CYTIP: variants seen among roughly 807,000 people sequenced by gnomAD.
CYTIP encodes cytohesin-interacting protein.
Under a neutral mutation model 43.8 loss-of-function variants are expected in CYTIP, and 26 were observed. The ratio of observed to expected loss-of-function variants is 0.59; its 90% confidence interval spans 0.44 to 0.82. The LOEUF is 0.82. Ranked by LOEUF, CYTIP falls within the 40% of genes least tolerant of loss-of-function variation. The pLI is 0.00. For synonymous variants in CYTIP, 162 were observed against 162.9 expected (o/e 0.99, Z 0.04); for missense variants, 426 against 443.1 (o/e 0.96, Z 0.35).
At chr2:157,437,485 G>A (rs527535356) in intron 1 of CYTIP, among the ~76,000 whole-genome samples, 37 of 152,148 alleles carry the variant, frequency 2.4e-4, no homozygotes, top group African/African-American at 7.5e-4. Context: ...TGGATCAACT[G>A]AGCTCAGGAG....
chr2:157,423,650 A>G (rs1685558252), intron 6 of CYTIP, among the ~76,000 whole-genome samples: 1 of 152,014 alleles, frequency 6.6e-6, no homozygotes. Flanking sequence ...AGTAAACTTG[A>G]TACCAAAACT....
intron 6 of CYTIP, among the ~76,000 whole-genome samples, chr2:157,424,508 CTCAAATT>C (rs1685572638): frequency 6.6e-6 from 1 of 151,626 alleles, no homozygotes; most frequent in Non-Finnish European, 1.5e-5. Context: ...ATGTTGTTTC[CTCAAATT>C]GATATATATA....
chr2:157,442,364 T>C (rs1685931228), intron 1 of CYTIP, among the ~76,000 whole-genome samples: 1 of 151,946 alleles, frequency 6.6e-6, no homozygotes. Flanking sequence ...TCTGTTGCAT[T>C]GAATTGCATG....
chr2:157,443,963 C>T lies in CYTIP; in HGVS notation c.58G>A (p.Ala20Thr), dbSNP rs200094703. Residue 20 changes from alanine (A) to threonine (T), a missense_variant, in exon 1 of 8, where the codon GCT (alanine) becomes ACT (threonine). By Grantham distance (58) the Ala-to-Thr change is moderately conservative. Coordinates refer to ENST00000264192, the MANE Select transcript of CYTIP (RefSeq NM_004288.5). Reference protein sequence around the residue: ...SSNGNLADFCAGPAYSSYSTL... With the variant: ...SSNGNLADFCTGPAYSSYSTL... Reference sequence around the variant, plus strand: ...GAGTAAGAGCTATACGCTGGCCCAGCGCAGAAGTCCGCCAAATTGCCATTG... The same window carrying T: ...GAGTAAGAGCTATACGCTGGCCCAGTGCAGAAGTCCGCCAAATTGCCATTG... 1.4e-5 allele frequency: 22 copies of T among 1,614,122 alleles called. No individual in the cohort carries two copies. Among genetic ancestry groups the T allele is most frequent in the South Asian group, 9.9e-5 (9 of 91,082 alleles).
Position 157,434,758 on chromosome 2 carries a change from C to G in CYTIP, c.175-11G>C, listed in dbSNP as rs751401151. ...TCTGGTCAAAGCAAGCTGAAAAACACAAAAGACATATAGTTATCCCAGGGT... is the reference window on the plus strand; with the variant it reads ...TCTGGTCAAAGCAAGCTGAAAAACAGAAAAGACATATAGTTATCCCAGGGT... On this transcript the variant is annotated splice_polypyrimidine_tract_variant and intron_variant, in intron 1 of 7. Transcript: ENST00000264192. 1 of 1,603,972 alleles carries G rather than the reference C, an allele frequency of 6.2e-7. No homozygotes were observed. The highest frequency in any genetic ancestry group is 8.5e-7 in the Non-Finnish European group (1 of 1,173,672).
chr2:157,420,857 T>C (rs547672454), intron 6 of CYTIP, among the ~76,000 whole-genome samples: 19 of 152,134 alleles, frequency 1.2e-4, no homozygotes, highest in Non-Finnish European at 2.6e-4. Context: ...TTGAGGAGCA[T>C]AGGGATAGGT....
At chr2:157,437,354 G>GAA (rs1013076464) in intron 1 of CYTIP, among the ~76,000 whole-genome samples, 1 of 146,704 alleles carries the variant, frequency 6.8e-6, no homozygotes, top group African/African-American at 2.5e-5. Flanking sequence ...TACCTCAACA[G>GAA]AAAAAAAAAA....
intron 6 of CYTIP, among the ~76,000 whole-genome samples, chr2:157,425,853 G>A (rs1265219605): frequency 6.6e-6 from 1 of 152,014 alleles, no homozygotes; most frequent in Non-Finnish European, 1.5e-5. Flanking sequence ...CAACAAAAAT[G>A]TTAGAAATGT....
At chr2:157,427,744 G>A (rs766415081) in intron 5 of CYTIP, among the ~76,000 whole-genome samples, 2 of 152,186 alleles carry the variant, frequency 1.3e-5, no homozygotes, top group Non-Finnish European at 2.9e-5. Flanking sequence ...CTGTTCTTGT[G>A]GGGATGGGCT....
In CYTIP at chr2:157,415,854, C is replaced by T. The variant is rs1341505439; in HGVS notation, c.903G>A (p.Arg301=). ...DDFLRRSSSR[R]NRSISNTSSG... is the part of the protein sequence containing the mutation. ...TGCTGGTGTTACTGATGCTCCGGTT[C>T]CTCCTTGAAGATGACCTCCTCAGAA... The change falls in exon 8 of 8, where the codon AGG becomes AGA. Residue 301 remains arginine, a synonymous_variant. Coordinates refer to ENST00000264192, the MANE Select transcript of CYTIP (RefSeq NM_004288.5). 1.2e-6 allele frequency: 2 copies of T among 1,614,212 alleles called. No homozygotes were observed. The highest frequency in any genetic ancestry group is 1.7e-6 in the Non-Finnish European group (2 of 1,180,040).
rs539172830 is a variant in CYTIP at position 157,420,920 on chromosome 2, C to T, written c.547-2331G>A. Among the ~76,000 whole-genome samples, 10 of 152,292 alleles carry T rather than the reference C, an allele frequency of 6.6e-5. No homozygotes were observed. In the South Asian group the frequency reaches 2.1e-3, roughly 32 times the overall value. ...AGAGGAAGTTATATTTCTGCACTTA[C>T]TATCTAAAAATACGAAGTCAGCACT... On this transcript the variant is annotated intron_variant, in intron 6 of 7. Transcript: ENST00000264192.
intron 1 of CYTIP, among the ~76,000 whole-genome samples, 160 bp downstream of exon 1, chr2:157,443,687 T>C (rs1323045639): frequency 6.6e-6 from 1 of 152,220 alleles, no homozygotes; most frequent in Non-Finnish European, 1.5e-5. Flanking sequence ...TTGGACTGGT[T>C]CACCTAGCTC....
chr2:157,418,301 A>C (rs1179537922), intron 7 of CYTIP, among the ~76,000 whole-genome samples: 1 of 152,206 alleles, frequency 6.6e-6, no homozygotes, highest in Non-Finnish European at 1.5e-5. Flanking sequence ...ATCTGTGTGC[A>C]TGTGCATCTG....
intron 1 of CYTIP, among the ~76,000 whole-genome samples, chr2:157,438,252 G>C (rs1332967148): frequency 6.6e-6 from 1 of 152,192 alleles, no homozygotes; most frequent in Non-Finnish European, 1.5e-5. Context: ...AAGACATTAT[G>C]TTAAGTGAGA....
chr2:157,442,156 T>C (rs528187187), intron 1 of CYTIP, among the ~76,000 whole-genome samples: 1 of 152,322 alleles, frequency 6.6e-6, no homozygotes, highest in Non-Finnish European at 1.5e-5. Context: ...CTTCAATATC[T>C]CGAATATCTA....
intron 5 of CYTIP, among the ~76,000 whole-genome samples, chr2:157,427,940 C>G (rs139875275): frequency 2.0e-5 from 3 of 152,254 alleles, no homozygotes; most frequent in Non-Finnish European, 2.9e-5. Flanking sequence ...ATTCTAGGAG[C>G]CTTTACCTCT....
chr2:157,433,777 C>T lies in CYTIP; in HGVS notation c.279+593G>A, dbSNP rs79705202. On this transcript the variant is annotated intron_variant, in intron 3 of 7. Transcript: ENST00000264192. The stretch of plus-strand genomic sequence containing the variant: ...CTTAAAAATTTCCTACAGCATGAGG[C>T]AATCTGCAAGTAGAGCCAAATGTTC... 8.7e-3 allele frequency among the ~76,000 whole-genome samples: 1,325 copies of T among 152,200 alleles called. 19 individuals carry two copies. Among genetic ancestry groups the T allele is most frequent in the African/African-American group, 0.03 (1,240 of 41,514 alleles).
intron 1 of CYTIP, among the ~76,000 whole-genome samples, chr2:157,435,351 T>C (rs573078057): frequency 1.3e-5 from 2 of 152,330 alleles, no homozygotes; most frequent in Non-Finnish European, 1.5e-5. Context: ...ACAATTCAGG[T>C]AAAACCAGGA....
At chr2:157,426,161 G>A (rs963475764) in intron 6 of CYTIP, among the ~76,000 whole-genome samples, 1 of 151,934 alleles carries the variant, frequency 6.6e-6, no homozygotes, top group African/African-American at 2.4e-5. Context: ...AAGTAAACAA[G>A]AATGAATATA....
Sources: allele counts gnomAD v4.1 joint callset (sites outside exome capture counted in the v4.1 genomes callset), GRCh38; gene constraint gnomAD v4.1.1; transcripts MANE v1.5; gene names NCBI Gene and HGNC (gene_info 2026-07-23, HGNC 2026-07-21).